The following DACH2 variants were observed in gnomAD, a reference collection of about 807,000 sequenced individuals.
DACH2 encodes the protein dachshund homolog 2.
Under a neutral mutation model 35.8 loss-of-function variants are expected in DACH2, and 17 were observed. The observed-to-expected ratio is 0.48, with a 90% confidence interval of 0.33 to 0.71. The LOEUF (loss-of-function observed/expected upper bound fraction) is 0.71. Ranked by LOEUF, DACH2 falls within the 30% of genes least tolerant of loss-of-function variation. DACH2 has a pLI of 0.02. For synonymous variants in DACH2, 195 were observed against 177.3 expected (o/e 1.10, Z -0.79); for missense variants, 469 against 472.7 (o/e 0.99, Z 0.07).
chrX:86,743,316 T>C (rs1256716533), intron 7 of DACH2, among the ~76,000 whole-genome samples: 1 of 111,001 alleles, frequency 9.0e-6, no homozygotes, highest in Non-Finnish European at 1.9e-5. Flanking sequence ...TCAAGGAAGA[T>C]AGAGAAAGTA....
At chrX:86,523,409 A>G (rs1014188793) in intron 3 of DACH2, among the ~76,000 whole-genome samples, 1 of 111,939 alleles carries the variant, frequency 8.9e-6, no homozygotes, top group Admixed American at 9.5e-5. Context: ...GGACATTCTC[A>G]GTTTAAAAAA....
At chrX:86,312,619 G>A (rs2034824069) in intron 1 of DACH2, among the ~76,000 whole-genome samples, 1 of 111,760 alleles carries the variant, frequency 8.9e-6, no homozygotes, top group African/African-American at 3.3e-5. Context: ...CTAATCATCT[G>A]CCAGTGAATA....
intron 3 of DACH2, among the ~76,000 whole-genome samples, chrX:86,519,915 C>T (rs192854578): frequency 2.3e-4 from 26 of 110,837 alleles, no homozygotes; most frequent in Admixed American, 5.8e-4. Flanking sequence ...GAGTTCAGCT[C>T]TGATTTTTTT....
At chrX:86,214,441 TAGA>T (rs1231402254) in intron 1 of DACH2, among the ~76,000 whole-genome samples, 1 of 112,285 alleles carries the variant, frequency 8.9e-6, no homozygotes, top group Non-Finnish European at 1.9e-5. Flanking sequence ...TTTGATGTGA[TAGA>T]AGAAGGATGA....
At chrX:86,253,776 GA>G (rs2033448674) in intron 1 of DACH2, among the ~76,000 whole-genome samples, 1 of 111,840 alleles carries the variant, frequency 8.9e-6, no homozygotes, top group Non-Finnish European at 1.9e-5. Context: ...GGATGTAAGA[GA>G]AGAATAAGGA....
rs1248919517 is a variant in DACH2, at chrX:86,814,758, A to G, written c.1608A>G (p.Glu536=). ...KRKLQEALEF[E]SKRREQVEQA... ...AATTGCAGGAAGCCTTGGAATTTGA[A>G]TCAAAGCGCCGGGAGCAAGTGGAGC... Residue 536 remains glutamate, a synonymous_variant, in exon 10 of 12, where the codon GAA becomes GAG. Coordinates refer to ENST00000373125, the MANE Select transcript of DACH2 (RefSeq NM_053281.3). 1 of 1,211,548 alleles carries G rather than the reference A, an allele frequency of 8.3e-7. No homozygotes were observed. The highest frequency in any genetic ancestry group is 1.1e-6 in the Non-Finnish European group (1 of 895,329).
Position 86,295,127 on chromosome X carries a change from G to A in DACH2, c.489-81697G>A, listed in dbSNP as rs145074237. Among the ~76,000 whole-genome samples the A allele has an allele frequency of 3.9e-3, 435 of 111,633 alleles. 1 individual carries two copies. The highest frequency in any genetic ancestry group is 0.019 in the Middle Eastern group (4 of 210). The stretch of plus-strand genomic sequence containing the variant: ...GTTGTGGGATATAATCTGATGCCCC[G>A]TTTTTTAAGCCCATCGGAAAAGCAC... On this transcript the variant is annotated intron_variant, in intron 1 of 11. Transcript: ENST00000373125.
At chrX:86,734,682 T>A (rs1170332177) in intron 6 of DACH2, among the ~76,000 whole-genome samples, 1 of 111,439 alleles carries the variant, frequency 9.0e-6, no homozygotes, top group Non-Finnish European at 1.9e-5. Context: ...TAAAGATCCA[T>A]AAAGTGTCAT....
intron 11 of DACH2, chrX:86,828,413 T>C (rs1480325570): frequency 9.0e-6 from 1 of 111,243 alleles, no homozygotes; most frequent in East Asian, 2.8e-4. Context: ...GTGGAGCAAG[T>C]CCTTTAACCC....
At chrX:86,249,866 C>T (rs1018963620) in intron 1 of DACH2, among the ~76,000 whole-genome samples, 1 of 111,819 alleles carries the variant, frequency 8.9e-6, no homozygotes, top group African/African-American at 3.2e-5. Context: ...GATTACTACA[C>T]AACCATAATA....
chrX:86,422,548 A>G (rs1436836579), intron 2 of DACH2, among the ~76,000 whole-genome samples: 1 of 110,258 alleles, frequency 9.1e-6, no homozygotes, highest in African/African-American at 3.3e-5. Flanking sequence ...TTGTGGGTTG[A>G]TGATAGTAGG....
intron 1 of DACH2, among the ~76,000 whole-genome samples, chrX:86,286,772 C>T (rs923948674): frequency 2.7e-5 from 3 of 111,934 alleles, no homozygotes; most frequent in African/African-American, 9.7e-5. Flanking sequence ...TATGCCTTAG[C>T]TTCATTCTCC....
intron 2 of DACH2, among the ~76,000 whole-genome samples, chrX:86,403,674 G>C (rs1243752335): frequency 8.9e-6 from 1 of 112,021 alleles, no homozygotes; most frequent in Non-Finnish European, 1.9e-5. Context: ...ATTTGGCCCA[G>C]CAGTTCCATT....
At position 86,564,531 on chromosome X, in the gene DACH2, C is replaced by T. The variant is rs2039269699; in HGVS notation, c.640+50140C>T. On this transcript the variant is annotated intron_variant, in intron 3 of 11. Coordinates refer to ENST00000373125, the MANE Select transcript of DACH2 (RefSeq NM_053281.3). ...TTATTCCCCATTTGATAAAAGTAAT[C>T]CACTTTAATTCCAGTGTAATTTACC... is the stretch of plus-strand genomic sequence containing the variant. 2.7e-5 allele frequency among the ~76,000 whole-genome samples: 3 copies of T among 111,291 alleles called. No individual in the cohort carries two copies. In the South Asian group the frequency reaches 1.1e-3, roughly 41 times the overall value.
chrX:86,759,452 G>T (rs1374006688), intron 7 of DACH2, among the ~76,000 whole-genome samples: 1 of 110,304 alleles, frequency 9.1e-6, no homozygotes, highest in Non-Finnish European at 1.9e-5. Context: ...ACTTGCTTTT[G>T]GTTTTCATCT....
intron 11 of DACH2, among the ~76,000 whole-genome samples, chrX:86,817,785 G>T (rs2147357101): frequency 8.9e-6 from 1 of 111,866 alleles, no homozygotes; most frequent in African/African-American, 3.2e-5. Context: ...TAAGCAAAAG[G>T]TAGATCCACT....
intron 2 of DACH2, among the ~76,000 whole-genome samples, chrX:86,396,276 T>C (rs1163566470): frequency 1.9e-5 from 2 of 103,671 alleles, no homozygotes; most frequent in East Asian, 6.0e-4. Context: ...TCATTGTAGA[T>C]TCTGGATATT....
intron 1 of DACH2, among the ~76,000 whole-genome samples, chrX:86,291,149 A>G (rs2034281442): frequency 9.3e-6 from 1 of 107,367 alleles, no homozygotes. Flanking sequence ...CATCCCTTGT[A>G]TGTTGGATTC....
rs962051544 is a variant in DACH2, at chrX:86,207,955, A to G, written c.488+58847A>G. Among the ~76,000 whole-genome samples the G allele has an allele frequency of 6.3e-5, 7 of 110,802 alleles. No homozygotes were observed. The Admixed American group carries it at 6.8e-4, about 11-fold the overall frequency. ...ATTTTATTCTACTTTAGTTTTTAAT[A>G]TTTTTCATTTCCATTACTTCATAGA... On this transcript the variant is annotated intron_variant, in intron 1 of 11. Transcript: ENST00000373125.
Sources: gnomAD v4.1 joint callset for allele counts (sites outside exome capture counted in the v4.1 genomes callset) on GRCh38, gnomAD v4.1.1 for gene constraint, MANE v1.5 for transcripts, NCBI Gene and HGNC (gene_info 2026-07-23, HGNC 2026-07-21) for gene names.